The following TAS2R1 variants were observed in gnomAD, a reference collection of about 807,000 sequenced individuals.
TAS2R1 encodes taste receptor type 2 member 1.
For synonymous variants in TAS2R1, 141 were observed against 134.2 expected (o/e 1.05, Z -0.35); for missense variants, 370 against 353.4 (o/e 1.05, Z -0.38).
the TAS2R1 span, among the ~76,000 whole-genome samples, chr5:9,836,432 T>C: frequency 6.6e-6 from 1 of 152,092 alleles, no homozygotes; most frequent in Admixed American, 6.6e-5. Flanking sequence ...ATGTGCATTG[T>C]GGGGTGTTTA....
the TAS2R1 span, among the ~76,000 whole-genome samples, chr5:9,883,670 T>C: frequency 6.6e-6 from 1 of 151,652 alleles, no homozygotes; most frequent in Non-Finnish European, 1.5e-5. Context: ...GCTTAAGCAG[T>C]GAGCTTTTTT....
the TAS2R1 span, among the ~76,000 whole-genome samples, chr5:9,753,180 T>C: frequency 6.6e-6 from 1 of 152,320 alleles, no homozygotes; most frequent in African/African-American, 2.4e-5. Context: ...GTAAAATTGT[T>C]CCTATTTCTC....
chr5:9,779,426 C>T, the TAS2R1 span, among the ~76,000 whole-genome samples: 1 of 152,334 alleles, frequency 6.6e-6, no homozygotes, highest in African/African-American at 2.4e-5. Flanking sequence ...CACTTCCTCA[C>T]CAAGTTTAAC....
chr5:9,628,882 C>T lies in TAS2R1; in HGVS notation c.*251G>A, dbSNP rs115559848. On this transcript the variant is annotated 3_prime_UTR_variant, in exon 1 of 1. Coordinates refer to ENST00000382492, the MANE Select transcript of TAS2R1 (RefSeq NM_019599.3). ...GTTTTCCCAATGGTAACAACTTGCACGATGATAGTACAATATCACTACCAG... is the reference window on the plus strand; with the variant it reads ...GTTTTCCCAATGGTAACAACTTGCATGATGATAGTACAATATCACTACCAG... 3.5e-5 allele frequency: 12 copies of T among 344,250 alleles called. No individual in the cohort carries two copies. The highest frequency in any genetic ancestry group is 2.7e-4 in the South Asian group (2 of 7,290). The allele number at this position is 344,250 out of a possible 1,614,324, so 21.3% of individuals were successfully genotyped here.
Position 9,629,349 on chromosome 5 carries a change from C to G in TAS2R1, c.684G>C (p.Leu228=). 1 of 1,613,814 alleles carries G rather than the reference C, an allele frequency of 6.2e-7. No individual in the cohort carries two copies. The highest frequency in any genetic ancestry group is 1.1e-5 in the South Asian group (1 of 91,018). The change falls in exon 1 of 1, where the codon CTG becomes CTC. Residue 228 remains leucine, a synonymous_variant. Coordinates refer to ENST00000382492, the MANE Select transcript of TAS2R1 (RefSeq NM_019599.3). ...AGAGGATCAGGAAGGACAGGATAGA[C>G]AGCAACGCGCTGATGGGTGCACCCC... ...PGRGAPISAL[L]SILSFLILYF... is the part of the protein sequence containing the mutation.
At chr5:9,705,865 C>CG (rs966694308) in intron 1 of TAS2R1, among the ~76,000 whole-genome samples, 2 of 151,790 alleles carry the variant, frequency 1.3e-5, no homozygotes, top group Admixed American at 6.6e-5. Flanking sequence ...TCCATCCCCC[C>CG]CCAAAAAAAG....
intron 2 of TAS2R1, among the ~76,000 whole-genome samples, chr5:9,638,328 T>C (rs1740003093): frequency 6.6e-6 from 1 of 152,072 alleles, no homozygotes; most frequent in Non-Finnish European, 1.5e-5. Flanking sequence ...CTAGTGGAGG[T>C]GGCAGGGAAG....
At chr5:9,737,605 G>A in the TAS2R1 span, among the ~76,000 whole-genome samples, 1 of 152,152 alleles carries the variant, frequency 6.6e-6, no homozygotes, top group African/African-American at 2.4e-5. Context: ...TGCCAGGTCA[G>A]GAACAAGGAG....
the TAS2R1 span, among the ~76,000 whole-genome samples, chr5:9,887,699 G>A: frequency 2.0e-5 from 3 of 152,170 alleles, no homozygotes; most frequent in Non-Finnish European, 2.9e-5. Context: ...GGACAAAGGC[G>A]AACAAAGCAT....
chr5:9,892,611 G>C, the TAS2R1 span, among the ~76,000 whole-genome samples: 3 of 152,108 alleles, frequency 2.0e-5, no homozygotes, highest in South Asian at 2.1e-4. Context: ...TGCCAAGACT[G>C]AGAACCAGTT....
chr5:9,797,953 G>C, the TAS2R1 span, among the ~76,000 whole-genome samples: 1 of 152,196 alleles, frequency 6.6e-6, no homozygotes, highest in Non-Finnish European at 1.5e-5. Context: ...AATGTTCACA[G>C]CAGCATTATT....
chr5:9,798,264 C>T, the TAS2R1 span, among the ~76,000 whole-genome samples: 1 of 152,076 alleles, frequency 6.6e-6, no homozygotes, highest in Admixed American at 6.5e-5. Flanking sequence ...CACAAATGGA[C>T]ATGAGGAATG....
the TAS2R1 span, among the ~76,000 whole-genome samples, chr5:9,859,170 A>G: frequency 6.6e-6 from 1 of 152,200 alleles, no homozygotes; most frequent in Admixed American, 6.5e-5. Flanking sequence ...AGCAGTCTCC[A>G]TCTTACGTCA....
At chr5:9,828,908 T>A in the TAS2R1 span, among the ~76,000 whole-genome samples, 2 of 152,198 alleles carry the variant, frequency 1.3e-5, no homozygotes, top group African/African-American at 4.8e-5. Context: ...AAGACAAAAC[T>A]TTTTATTTTA....
At chr5:9,656,591 T>C (rs1409648549) in intron 2 of TAS2R1, among the ~76,000 whole-genome samples, 7 of 152,198 alleles carry the variant, frequency 4.6e-5, no homozygotes, top group South Asian at 2.1e-4. Flanking sequence ...GAAAATTGCA[T>C]GAGGCCCAGC....
At chr5:9,851,475 C>T in the TAS2R1 span, among the ~76,000 whole-genome samples, 2 of 151,180 alleles carry the variant, frequency 1.3e-5, no homozygotes, top group Admixed American at 1.3e-4. Context: ...CATTGATCCA[C>T]TTGATCTACA....
At chr5:9,653,794 T>C (rs1409273773) in intron 2 of TAS2R1, among the ~76,000 whole-genome samples, 2 of 152,204 alleles carry the variant, frequency 1.3e-5, no homozygotes, top group Non-Finnish European at 2.9e-5. Flanking sequence ...GAAAATTCGT[T>C]TCAAACTAAG....
At chr5:9,861,143 C>T in the TAS2R1 span, among the ~76,000 whole-genome samples, 1 of 145,868 alleles carries the variant, frequency 6.9e-6, no homozygotes, top group Admixed American at 7.1e-5. Context: ...TTTTAAAATT[C>T]ACACTTCCAG....
At chr5:9,895,194 T>G in the TAS2R1 span, among the ~76,000 whole-genome samples, 1 of 152,194 alleles carries the variant, frequency 6.6e-6, no homozygotes, top group Non-Finnish European at 1.5e-5. Context: ...ATTAAGGCAG[T>G]ATGGCTTCTG....
Sources: gnomAD v4.1 joint callset for allele counts (sites outside exome capture counted in the v4.1 genomes callset) on GRCh38, gnomAD v4.1.1 for gene constraint, MANE v1.5 for transcripts, NCBI Gene and HGNC (gene_info 2026-07-23, HGNC 2026-07-21) for gene names.